The following ERC2 variants were observed in gnomAD, a reference collection of about 807,000 sequenced individuals.
ERC2 encodes the protein ERC protein 2.
Under a neutral mutation model 114.8 loss-of-function variants are expected in ERC2, and 42 were observed. The ratio of observed to expected loss-of-function variants is 0.37; its 90% confidence interval spans 0.29 to 0.47. The LOEUF is 0.47. Ranked by LOEUF, ERC2 falls within the 20% of genes least tolerant of loss-of-function variation. The pLI is 0.99. For missense variants in ERC2, 939 were observed against 1,150.7 expected (o/e 0.82, Z 2.66); for synonymous variants, 454 against 425.5 (o/e 1.07, Z -0.82).
chr3:55,727,156 T>C (rs1337993943), intron 15 of ERC2, among the ~76,000 whole-genome samples: 1 of 152,174 alleles, frequency 6.6e-6, no homozygotes, highest in Non-Finnish European at 1.5e-5. Context: ...TCAGTCCTTT[T>C]TTCAAGGGTG....
chr3:55,809,277 A>G (rs1057424585), intron 14 of ERC2, among the ~76,000 whole-genome samples: 1 of 152,170 alleles, frequency 6.6e-6, no homozygotes, highest in Non-Finnish European at 1.5e-5. Context: ...CACAGCATTT[A>G]GGGTATCTAT....
chr3:55,563,963 A>G (rs2056201256), intron 17 of ERC2, among the ~76,000 whole-genome samples: 1 of 152,256 alleles, frequency 6.6e-6, no homozygotes, highest in African/African-American at 2.4e-5. Context: ...CAATATTTGC[A>G]GCGTGATCAA....
At chr3:55,623,287 T>A (rs1011984207) in intron 17 of ERC2, among the ~76,000 whole-genome samples, 2 of 152,200 alleles carry the variant, frequency 1.3e-5, no homozygotes, top group African/African-American at 4.8e-5. Context: ...CTGGCACATA[T>A]GAAGTGCTCA....
chr3:55,909,862 T>C (rs2064696650), intron 13 of ERC2, among the ~76,000 whole-genome samples: 1 of 152,062 alleles, frequency 6.6e-6, no homozygotes, highest in African/African-American at 2.4e-5. Flanking sequence ...AAATATTAGG[T>C]TTTTGCATCC....
At chr3:55,722,316 G>A (rs1001543024) in intron 15 of ERC2, among the ~76,000 whole-genome samples, 16 of 152,092 alleles carry the variant, frequency 1.1e-4, no homozygotes, top group African/African-American at 3.1e-4. Context: ...GCAACTGCAC[G>A]TGGGGAGCTG....
chr3:55,735,387 G>A (rs2065568570), intron 14 of ERC2, among the ~76,000 whole-genome samples: 1 of 152,212 alleles, frequency 6.6e-6, no homozygotes. Context: ...CTTCCAGCAA[G>A]GGCTTTTGTA....
At chr3:55,812,561 G>A (rs968005249) in intron 14 of ERC2, among the ~76,000 whole-genome samples, 3 of 152,148 alleles carry the variant, frequency 2.0e-5, no homozygotes, top group Non-Finnish European at 4.4e-5. Context: ...CAATCCACAG[G>A]GCACCCAACT....
chr3:55,776,293 G>A lies in ERC2; in HGVS notation c.2565-41375C>T, dbSNP rs182351397. Among the ~76,000 whole-genome samples the A allele has an allele frequency of 1.9e-4, 29 of 152,276 alleles. No individual in the cohort carries two copies. In the East Asian group the frequency reaches 4.6e-3, roughly 24 times the overall value. On this transcript the variant is annotated intron_variant, in intron 14 of 17. Coordinates refer to ENST00000288221, the MANE Select transcript of ERC2 (RefSeq NM_015576.3). ...CGGGTCTGTCTGCACACCATGGAGA[G>A]AAGATAAGGGCAGAAATGATGGGGG...
intron 17 of ERC2, among the ~76,000 whole-genome samples, chr3:55,655,241 GC>G (rs11317144): frequency 0.35 from 52,697 of 151,858 alleles, 9,224 homozygotes; most frequent in East Asian, 0.4. Flanking sequence ...CCTTCCCATT[GC>G]CTTATTGATG....
chr3:55,946,486 C>CATAG lies in ERC2; in HGVS notation c.2403+3938_2403+3939insCTAT, dbSNP rs2067135883. 2.0e-5 allele frequency among the ~76,000 whole-genome samples: 3 copies of CATAG among 152,302 alleles called. No homozygotes were observed. In the South Asian group the frequency reaches 6.2e-4, roughly 32 times the overall value. On this transcript the variant is annotated intron_variant, in intron 13 of 17. Transcript: ENST00000288221. Reference sequence around the variant, plus strand: ...GGTTGATACTCCCAATGGTCACTGTCTTCTATGACTAAAAGCTCATTATCA... The same window carrying CATAG: ...GGTTGATACTCCCAATGGTCACTGTCATAGTTCTATGACTAAAAGCTCATTATCA...
intron 14 of ERC2, among the ~76,000 whole-genome samples, chr3:55,774,272 A>G (rs1231053833): frequency 6.6e-6 from 1 of 152,218 alleles, no homozygotes; most frequent in Non-Finnish European, 1.5e-5. Flanking sequence ...GATCTCAGGC[A>G]GTGAGGCATT....
At chr3:56,396,699 TG>T (rs1485370438) in intron 2 of ERC2, among the ~76,000 whole-genome samples, 2 of 152,158 alleles carry the variant, frequency 1.3e-5, no homozygotes, top group Non-Finnish European at 2.9e-5. Context: ...GTTTTGTTTT[TG>T]TTTTTGTTTT....
At chr3:55,856,391 C>T (rs1205969019) in intron 14 of ERC2, among the ~76,000 whole-genome samples, 1 of 152,166 alleles carries the variant, frequency 6.6e-6, no homozygotes, top group Non-Finnish European at 1.5e-5. Flanking sequence ...AACAGAACAC[C>T]ATTCATTCTT....
At chr3:55,719,727 G>A (rs558223286) in intron 15 of ERC2, among the ~76,000 whole-genome samples, 22 of 152,002 alleles carry the variant, frequency 1.4e-4, no homozygotes, top group Admixed American at 3.9e-4. Flanking sequence ...TCAACTTTTT[G>A]TTTCCCTGCC....
At chr3:55,995,551 A>G (rs1209818336) in intron 10 of ERC2, among the ~76,000 whole-genome samples, 8 of 152,188 alleles carry the variant, frequency 5.3e-5, no homozygotes, top group Non-Finnish European at 7.4e-5. Flanking sequence ...AAAGTCATAT[A>G]AAGATGACAG....
intron 17 of ERC2, among the ~76,000 whole-genome samples, chr3:55,597,839 C>A (rs1306311023): frequency 6.6e-6 from 1 of 152,216 alleles, no homozygotes; most frequent in African/African-American, 2.4e-5. Flanking sequence ...TAGAATAGAT[C>A]ACATTACATC....
intron 17 of ERC2, among the ~76,000 whole-genome samples, chr3:55,654,729 C>T (rs1575963548): frequency 1.3e-5 from 2 of 152,250 alleles, no homozygotes; most frequent in African/African-American, 4.8e-5. Flanking sequence ...AGACCGGAGG[C>T]ATGTGTTGGA....
intron 6 of ERC2, among the ~76,000 whole-genome samples, chr3:56,138,486 A>G (rs2080655419): frequency 6.6e-6 from 1 of 152,238 alleles, no homozygotes; most frequent in Non-Finnish European, 1.5e-5. Context: ...AGTCAGGTTC[A>G]TGCTAAGACC....
chr3:55,722,770 G>A (rs1309098750), intron 15 of ERC2, among the ~76,000 whole-genome samples: 1 of 152,130 alleles, frequency 6.6e-6, no homozygotes, highest in African/African-American at 2.4e-5. Flanking sequence ...TCTGTTTACT[G>A]ATCACTTGCA....
Sources: allele counts gnomAD v4.1 joint callset (sites outside exome capture counted in the v4.1 genomes callset), GRCh38; gene constraint gnomAD v4.1.1; transcripts MANE v1.5; gene names NCBI Gene and HGNC (gene_info 2026-07-23, HGNC 2026-07-21).